The following SEMA3A variants were observed in gnomAD, a reference collection of about 807,000 sequenced individuals.
The protein encoded by SEMA3A is semaphorin-3A.
Under a neutral mutation model 97.9 loss-of-function variants are expected in SEMA3A, and 29 were observed. The observed-to-expected ratio is 0.30, with a 90% CI of 0.22 to 0.40. The LOEUF is 0.40. Among genes scored for constraint, SEMA3A ranks in the 10% least tolerant of loss-of-function variants. SEMA3A has a pLI of 1.00. For missense variants in SEMA3A, 763 were observed against 951.3 expected (o/e 0.80, Z 2.60); for synonymous variants, 321 against 323.7 (o/e 0.99, Z 0.09).
chr7:84,079,812 A>T (rs28802604), intron 4 of SEMA3A, among the ~76,000 whole-genome samples: 35,401 of 115,420 alleles, frequency 0.31, 6,407 homozygotes, highest in African/African-American at 0.58. Context: ...TCAGGGATCT[A>T]GAACTAGAAA....
chr7:84,387,971 T>A (rs909848103), intron 1 of SEMA3A, among the ~76,000 whole-genome samples: 2 of 152,030 alleles, frequency 1.3e-5, no homozygotes, highest in African/African-American at 4.8e-5. Flanking sequence ...CTCTGCACAA[T>A]GGAAATAACC....
At chr7:84,045,341 C>T (rs938900479) in intron 6 of SEMA3A, among the ~76,000 whole-genome samples, 18 of 151,420 alleles carry the variant, frequency 1.2e-4, no homozygotes, top group African/African-American at 2.4e-4. Flanking sequence ...TTCTTATGAA[C>T]GAGTTATATA....
intron 1 of SEMA3A, among the ~76,000 whole-genome samples, chr7:84,476,560 C>T (rs1478807653): frequency 6.6e-6 from 1 of 151,800 alleles, no homozygotes; most frequent in Non-Finnish European, 1.5e-5. Flanking sequence ...ACATTGTAGG[C>T]ATTCAAGTGC....
intron 3 of SEMA3A, among the ~76,000 whole-genome samples, chr7:84,264,263 T>A (rs79072625): frequency 0.022 from 3,295 of 152,294 alleles, 39 homozygotes; most frequent in Non-Finnish European, 0.031. Flanking sequence ...CAGAATGTGT[T>A]AGGAAAGAAT....
At chr7:84,312,864 G>T (rs1310028099) in intron 2 of SEMA3A, among the ~76,000 whole-genome samples, 3 of 93,192 alleles carry the variant, frequency 3.2e-5, no homozygotes, top group African/African-American at 1.3e-4. Flanking sequence ...GGATATTTTG[G>T]TGTTGTTTTA....
At chr7:84,191,737 G>A (rs1364877300) in intron 1 of SEMA3A, among the ~76,000 whole-genome samples, 1 of 151,846 alleles carries the variant, frequency 6.6e-6, no homozygotes, top group Non-Finnish European at 1.5e-5. Context: ...TAATTTCTAT[G>A]TAACTGCTGA....
At chr7:84,240,745 AG>A (rs888640503) in intron 3 of SEMA3A, among the ~76,000 whole-genome samples, 2 of 151,992 alleles carry the variant, frequency 1.3e-5, no homozygotes, top group Admixed American at 1.3e-4. Flanking sequence ...TCCTAATGCT[AG>A]CCCCCTCTAG....
intron 3 of SEMA3A, among the ~76,000 whole-genome samples, chr7:84,205,633 C>T (rs1798473897): frequency 6.6e-6 from 1 of 151,974 alleles, no homozygotes; most frequent in Admixed American, 6.6e-5. Flanking sequence ...ATATAATTGC[C>T]ACAATCTGAA....
chr7:84,415,713 T>C (rs1804415271), intron 1 of SEMA3A, among the ~76,000 whole-genome samples: 1 of 152,078 alleles, frequency 6.6e-6, no homozygotes. Flanking sequence ...ATGTAGCATG[T>C]TTTGGCATTT....
chr7:84,251,010 C>A (rs181719926), intron 3 of SEMA3A, among the ~76,000 whole-genome samples: 1 of 152,062 alleles, frequency 6.6e-6, no homozygotes, highest in Non-Finnish European at 1.5e-5. Flanking sequence ...GAGACAGTAG[C>A]GATGAAATTC....
At chr7:84,195,896 T>C (rs1315814608), upstream of SEMA3A, among the ~76,000 whole-genome samples, 2 of 152,218 alleles carry the variant, frequency 1.3e-5, no homozygotes, top group Non-Finnish European at 2.9e-5. Context: ...CTAAATTTTC[T>C]GTGGGACGTA....
Position 84,053,768 on chromosome 7 carries a change from G to A in SEMA3A, c.547+6697C>T, listed in dbSNP as rs564776891. On this transcript the variant is annotated intron_variant, in intron 5 of 16. Transcript: ENST00000265362. ...GATCCTGTCATTATGATGTTAGCTG[G>A]TTATTTTGCTCGTTAATTGATGGAG... 5.6e-3 allele frequency among the ~76,000 whole-genome samples: 828 copies of A among 147,362 alleles called. 11 individuals are homozygous for A. The highest frequency in any genetic ancestry group is 0.02 in the African/African-American group (797 of 40,716).
Position 83,959,918 on chromosome 7 carries a change from T to C in SEMA3A, c.*1453A>G, listed in dbSNP as rs1788402431. 1 of 152,082 alleles carries C rather than the reference T, an allele frequency of 6.6e-6. No homozygotes were observed. 9.4% of individuals were successfully genotyped at this position (152,082 alleles called of 1,614,324 possible). Reference sequence around the variant, plus strand: ...TCTTGAATTTTAGTCTTTTACCTTATTTTGTAAGTTGTTGCAGGAAACAAA... The same window carrying C: ...TCTTGAATTTTAGTCTTTTACCTTACTTTGTAAGTTGTTGCAGGAAACAAA... On this transcript the variant is annotated 3_prime_UTR_variant, in exon 17 of 17. Transcript: ENST00000265362.
At chr7:83,963,640 A>G (rs369582428) in intron 15 of SEMA3A, among the ~76,000 whole-genome samples, 3 of 152,202 alleles carry the variant, frequency 2.0e-5, no homozygotes, top group Non-Finnish European at 4.4e-5. Context: ...ATACGTCTTT[A>G]TATGTCATGA....
At chr7:84,169,083 A>G (rs1356854837) in intron 1 of SEMA3A, among the ~76,000 whole-genome samples, 1 of 151,754 alleles carries the variant, frequency 6.6e-6, no homozygotes, top group Non-Finnish European at 1.5e-5. Flanking sequence ...TTTAATGCAT[A>G]CCAAGTGTTT....
upstream of SEMA3A, among the ~76,000 whole-genome samples, chr7:84,196,150 C>T (rs1213835251): frequency 6.6e-6 from 1 of 151,466 alleles, no homozygotes; most frequent in Non-Finnish European, 1.5e-5. Context: ...TCCAGAACAG[C>T]ACTTGGAATC....
chr7:84,046,242 T>C, intron 6 of SEMA3A, 82 bp downstream of exon 6: 1 of 1,492,670 alleles, frequency 6.7e-7, no homozygotes. Flanking sequence ...CAAGTCATAT[T>C]GCATGTACTG....
At chr7:84,445,443 G>T (rs540000806) in intron 1 of SEMA3A, among the ~76,000 whole-genome samples, 1 of 121,464 alleles carries the variant, frequency 8.2e-6, no homozygotes, top group South Asian at 2.9e-4. Flanking sequence ...CTAGTGAACC[G>T]AGAGCATGCC....
intron 1 of SEMA3A, among the ~76,000 whole-genome samples, chr7:84,464,776 A>C (rs1465964776): frequency 1.3e-5 from 2 of 152,246 alleles, no homozygotes; most frequent in African/African-American, 4.8e-5. Context: ...GAAATATATG[A>C]AAGTCATATT....
Sources: allele counts gnomAD v4.1 joint callset (sites outside exome capture counted in the v4.1 genomes callset), GRCh38; gene constraint gnomAD v4.1.1; transcripts MANE v1.5; gene names NCBI Gene and HGNC (gene_info 2026-07-23, HGNC 2026-07-21).